CR1: variants seen among roughly 807,000 people sequenced by gnomAD.
CR1 encodes the protein complement receptor type 1.
A neutral mutation model predicts 187.3 loss-of-function variants in CR1; 116 were observed. That is an observed-to-expected ratio of 0.62 (90% CI 0.53 to 0.72). CR1 has a LOEUF of 0.72. CR1 is among the 30% of genes least tolerant of loss of function. The probability of loss-of-function intolerance (pLI) is 0.00; values close to 1 mark genes in which losing one functional copy is unlikely to be tolerated. For synonymous variants in CR1, 576 were observed against 747.1 expected (o/e 0.77, Z 3.73); for missense variants, 1,731 against 2,110.7 (o/e 0.82, Z 3.52).
rs538668896 is a variant in CR1 at position 207,608,226 on chromosome 1, C to T, written c.5896+890C>T. On this transcript the variant is annotated intron_variant, in intron 36 of 46. Transcript: ENST00000367049. ...CATATTTTAATGGCTATCAGTTTTT[C>T]GGAAAGGTAAAAAAGTGCACCAGGA... is the stretch of plus-strand genomic sequence containing the variant. Among the ~76,000 whole-genome samples the T allele has an allele frequency of 4.9e-4, 75 of 152,028 alleles. 2 individuals are homozygous for T. In the South Asian group the frequency reaches 8.7e-3, roughly 18 times the overall value.
At chr1:207,506,262 T>C (rs1659429636) in intron 2 of CR1, among the ~76,000 whole-genome samples, 179 bp downstream of exon 2, 1 of 152,246 alleles carries the variant, frequency 6.6e-6, no homozygotes, top group South Asian at 2.1e-4. Flanking sequence ...GGCGCCTTCA[T>C]TAAAAGTTTA....
At chr1:207,499,697 G>C (rs1392788060) in intron 1 of CR1, among the ~76,000 whole-genome samples, 1 of 152,178 alleles carries the variant, frequency 6.6e-6, no homozygotes, top group South Asian at 2.1e-4. Flanking sequence ...GCGCCCTCAC[G>C]TGGTCCTCAT....
intron 3 of CR1, chr1:207,507,097 A>C: frequency 3.1e-6 from 1 of 326,478 alleles, no homozygotes. Context: ...GTCAAAGCAC[A>C]CAAACAGCCT....
intron 35 of CR1, among the ~76,000 whole-genome samples, chr1:207,600,465 T>C (rs1452687333): frequency 2.0e-5 from 3 of 152,118 alleles, no homozygotes; most frequent in East Asian, 3.8e-4. Context: ...TCAATAAATT[T>C]GCACATAGAA....
intron 46 of CR1, among the ~76,000 whole-genome samples, chr1:207,638,181 G>A (rs1436289039): frequency 1.3e-5 from 2 of 152,300 alleles, no homozygotes; most frequent in East Asian, 3.9e-4. Flanking sequence ...CTGTCTGTGG[G>A]AATTATAGGG....
At position 207,496,260 on chromosome 1, in the gene CR1, T is replaced by C; in HGVS notation, c.-8T>C. 1 of 1,613,812 alleles carries C rather than the reference T, an allele frequency of 6.2e-7. No individual in the cohort carries two copies. Among genetic ancestry groups the C allele is most frequent in the African/African-American group, 1.3e-5 (1 of 75,044 alleles). On this transcript the variant is annotated 5_prime_UTR_variant, in exon 1 of 47. Coordinates refer to ENST00000367049, the MANE Select transcript of CR1 (RefSeq NM_000651.6). Reference sequence around the variant, plus strand: ...ATCAAATCTGGTTTGTAGATGTGCTTGGGGAGAATGGGGGCCTCTTCTCCA... The same window carrying C: ...ATCAAATCTGGTTTGTAGATGTGCTCGGGGAGAATGGGGGCCTCTTCTCCA...
At chr1:207,617,604 TATATATATAGAGAGAG>T (rs1234517664) in intron 41 of CR1, among the ~76,000 whole-genome samples, 116 of 22,050 alleles carry the variant, frequency 5.3e-3, no homozygotes, top group East Asian at 0.017. Flanking sequence ...TATATATATA[TATATATATAGAGAGAG>T]AGAGAGAGAG....
rs779838106 is a variant in CR1, at chr1:207,609,606, C to A, written c.6213C>A (p.Pro2071=). 9.3e-6 allele frequency: 15 copies of A among 1,612,516 alleles called. No individual in the cohort carries two copies. Among genetic ancestry groups the A allele is most frequent in the Non-Finnish European group, 8.5e-6 (10 of 1,179,276 alleles). Residue 2071 remains proline (P), a synonymous_variant, in exon 37 of 47, where the codon CCC becomes CCA. Coordinates refer to ENST00000367049, the MANE Select transcript of CR1 (RefSeq NM_000651.6). ...LTEIIRFRCQ[P]GFVMVGSHTV... ...AGATCATCAGATTTAGATGTCAGCC[C>A]GGGTTTGTCATGGTAGGGTCCCACA...
chr1:207,605,477 A>G (rs935599655), intron 35 of CR1, among the ~76,000 whole-genome samples: 1 of 151,892 alleles, frequency 6.6e-6, no homozygotes, highest in African/African-American at 2.4e-5. Flanking sequence ...ATATACAATT[A>G]TTGTTTGTTC....
chr1:207,574,399 T>G (rs1660671017), intron 27 of CR1, among the ~76,000 whole-genome samples: 1 of 152,178 alleles, frequency 6.6e-6, no homozygotes, highest in African/African-American at 2.4e-5. Flanking sequence ...CAAGCTAATA[T>G]TCACACCTAG....
chr1:207,627,975 T>C (rs781166650), intron 45 of CR1, among the ~76,000 whole-genome samples: 8 of 152,220 alleles, frequency 5.3e-5, no homozygotes, highest in Non-Finnish European at 1.0e-4. Context: ...TCTGCTCTCA[T>C]GATCTAATTA....
chr1:207,626,211 G>T (rs1292496185), intron 45 of CR1, among the ~76,000 whole-genome samples: 2 of 152,218 alleles, frequency 1.3e-5, no homozygotes, highest in African/African-American at 4.8e-5. Context: ...TGCAAAGGTG[G>T]TTTCAGCATA....
chr1:207,517,317 G>T (rs1659836843), intron 4 of CR1, among the ~76,000 whole-genome samples: 1 of 151,968 alleles, frequency 6.6e-6, no homozygotes, highest in Non-Finnish European at 1.5e-5. Flanking sequence ...TATTTTTATT[G>T]TAACATTGTA....
intron 35 of CR1, among the ~76,000 whole-genome samples, chr1:207,593,097 A>C (rs2102361456): frequency 6.6e-6 from 1 of 150,600 alleles, no homozygotes; most frequent in South Asian, 2.1e-4. Context: ...AAAAAAAAAA[A>C]AAAAAACTAC....
At chr1:207,516,966 C>T (rs1161674690) in intron 4 of CR1, among the ~76,000 whole-genome samples, 1 of 151,998 alleles carries the variant, frequency 6.6e-6, no homozygotes, top group African/African-American at 2.4e-5. Flanking sequence ...CTAGAACCTC[C>T]AGTACAATAT....
At chr1:207,639,314 C>A in intron 46 of CR1, 83 bp from the exon 47 acceptor site, 1 of 1,310,112 alleles carries the variant, frequency 7.6e-7, no homozygotes, top group South Asian at 1.3e-5. Context: ...TAGAAAATAT[C>A]CAAAGCTTAT....
chr1:207,564,528 G>A lies in CR1; in HGVS notation c.3866+294G>A, dbSNP rs946152211. Among the ~76,000 whole-genome samples, 4 of 150,204 alleles carry A rather than the reference G, an allele frequency of 2.7e-5. 1 individual carries two copies. The highest frequency in any genetic ancestry group is 1.3e-4 in the Admixed American group (2 of 15,224). ...TAAGCAAAAAATATCAGCCAGGCACGGTGGCTCACGTGTGTAATCCCAGCA... is the reference window on the plus strand; with the variant it reads ...TAAGCAAAAAATATCAGCCAGGCACAGTGGCTCACGTGTGTAATCCCAGCA... On this transcript the variant is annotated intron_variant, in intron 23 of 46. Transcript: ENST00000367049.
intron 5 of CR1, among the ~76,000 whole-genome samples, chr1:207,526,085 A>G (rs746801964): frequency 1.1e-4 from 17 of 152,184 alleles, no homozygotes; most frequent in East Asian, 3.9e-4. Context: ...TTGCGTAAAT[A>G]TACACTCTCA....
intron 33 of CR1, among the ~76,000 whole-genome samples, chr1:207,586,486 T>C (rs1194798499): frequency 2.0e-5 from 3 of 152,234 alleles, no homozygotes; most frequent in African/African-American, 4.8e-5. Flanking sequence ...AGAAAAACAC[T>C]GTATTAGTTT....
Sources: gnomAD v4.1 joint callset for allele counts (sites outside exome capture counted in the v4.1 genomes callset) on GRCh38, gnomAD v4.1.1 for gene constraint, MANE v1.5 for transcripts, NCBI Gene and HGNC (gene_info 2026-07-23, HGNC 2026-07-21) for gene names.